The following RNF149 variants were observed in gnomAD, a reference collection of about 807,000 sequenced individuals.
RNF149 encodes ring finger protein 149, also known as E3 ubiquitin-protein ligase RNF149.
In RNF149, 21 loss-of-function variants were observed where a neutral mutation model predicts 39.0. That is an observed-to-expected ratio of 0.54 (90% CI 0.38 to 0.77). RNF149 has a LOEUF of 0.77. Ranked by LOEUF, RNF149 falls within the 30% of genes least tolerant of loss-of-function variation. The pLI is 0.00. For synonymous variants in RNF149, 209 were observed against 213.6 expected (o/e 0.98, Z 0.19); for missense variants, 493 against 534.9 (o/e 0.92, Z 0.77).
At chr2:101,280,723 A>G in intron 6 of RNF149, among the ~76,000 whole-genome samples, 1 of 152,220 alleles carries the variant, frequency 6.6e-6, no homozygotes, top group South Asian at 2.1e-4. Flanking sequence ...AATATGAAAA[A>G]ATTACTATCT....
At chr2:101,288,933 C>A in intron 4 of RNF149, 40 bp downstream of exon 4, 1 of 1,022,090 alleles carries the variant, frequency 9.8e-7, no homozygotes, top group Non-Finnish European at 1.5e-6. Context: ...TAAAACTTGT[C>A]AAGTAATTTT....
At chr2:101,291,747 T>C (rs1683021257) in intron 3 of RNF149, among the ~76,000 whole-genome samples, 1 of 152,236 alleles carries the variant, frequency 6.6e-6, no homozygotes, top group Admixed American at 6.5e-5. Context: ...TGCAAGTTTA[T>C]ACATTACTGT....
intron 1 of RNF149, among the ~76,000 whole-genome samples, chr2:101,306,824 T>C: frequency 6.6e-6 from 1 of 152,204 alleles, no homozygotes; most frequent in East Asian, 1.9e-4. Context: ...TCCAAGGTTA[T>C]TTTTCTGTCC....
intron 1 of RNF149, among the ~76,000 whole-genome samples, chr2:101,301,404 T>A (rs1368049284): frequency 2.6e-5 from 4 of 152,040 alleles, no homozygotes; most frequent in Non-Finnish European, 5.9e-5. Flanking sequence ...TATAGCTCAC[T>A]GCAGCTTTGA....
chr2:101,296,693 T>A (rs1454250119), intron 1 of RNF149, among the ~76,000 whole-genome samples: 1 of 151,924 alleles, frequency 6.6e-6, no homozygotes, highest in Non-Finnish European at 1.5e-5. Flanking sequence ...TTCTCACAAC[T>A]TACGCCAAAA....
Position 101,276,009 on chromosome 2 carries a change from T to C in RNF149, c.*1229A>G, listed in dbSNP as rs1257705738. 4 of 909,686 alleles carry C rather than the reference T, an allele frequency of 4.4e-6. No homozygotes were observed. The Admixed American group carries it at 1.9e-4, about 42-fold the overall frequency. 56.4% of individuals were successfully genotyped at this position (909,686 alleles called of 1,614,324 possible). On this transcript the variant is annotated 3_prime_UTR_variant, in exon 7 of 7. Coordinates refer to ENST00000295317, the MANE Select transcript of RNF149 (RefSeq NM_173647.4). ...ATGATGAGTAGCTAGAATTAAAGCA[T>C]TAAGTAGCTTGAGAAAATAATCTAT...
chr2:101,300,279 T>G (rs376096604), intron 1 of RNF149, among the ~76,000 whole-genome samples: 41 of 152,156 alleles, frequency 2.7e-4, no homozygotes, highest in African/African-American at 8.4e-4. Flanking sequence ...GTGACTAAGA[T>G]ACATGTAAAG....
chr2:101,300,249 T>G (rs1475657558), intron 1 of RNF149, among the ~76,000 whole-genome samples: 1 of 152,152 alleles, frequency 6.6e-6, no homozygotes, highest in Non-Finnish European at 1.5e-5. Flanking sequence ...TTTGGGATGG[T>G]GACCAGCCCA....
At chr2:101,275,436 T>C (rs1264937461), downstream of RNF149, among the ~76,000 whole-genome samples, 27 of 77,758 alleles carry the variant, frequency 3.5e-4, no homozygotes, top group African/African-American at 1.4e-3. Context: ...TATTTCTTTT[T>C]TTTTTTTTTT....
chr2:101,293,982 A>T, intron 3 of RNF149, 32 bp downstream of exon 3: 1 of 1,341,796 alleles, frequency 7.5e-7, no homozygotes, highest in Middle Eastern at 1.9e-4. Context: ...ACTCTAAACC[A>T]CAAAACAAAA....
intron 3 of RNF149, among the ~76,000 whole-genome samples, chr2:101,293,483 A>G (rs1683097553): frequency 6.6e-6 from 1 of 152,242 alleles, no homozygotes; most frequent in Non-Finnish European, 1.5e-5. Context: ...TATTTCAAAA[A>G]TGCTTTAAAA....
rs866849981 is a variant in RNF149, at chr2:101,282,652, G to A, written c.961-595C>T. On this transcript the variant is annotated intron_variant, in intron 5 of 6. Coordinates refer to ENST00000295317, the MANE Select transcript of RNF149 (RefSeq NM_173647.4). ...TCACTGCATTAAGTCTCAACATTTG[G>A]GGGACAGCTAGAAACTTTATTTGAT... Among the ~76,000 whole-genome samples the A allele has an allele frequency of 3.9e-5, 6 of 152,190 alleles. No homozygotes were observed. In the South Asian group the frequency reaches 1.0e-3, roughly 26 times the overall value.
At chr2:101,285,821 C>A (rs926277629) in intron 5 of RNF149, among the ~76,000 whole-genome samples, 21 of 152,146 alleles carry the variant, frequency 1.4e-4, no homozygotes, top group African/African-American at 2.4e-5. Flanking sequence ...GTGCAGCATG[C>A]CAAAACACAT....
chr2:101,289,104 T>G (rs183848641), intron 3 of RNF149, 49 bp from the exon 4 acceptor site: 17 of 1,080,346 alleles, frequency 1.6e-5, no homozygotes, highest in Admixed American at 5.7e-5. Context: ...ACACAGTATA[T>G]CCCTTGGTAA....
chr2:101,298,668 A>C (rs1428347549), intron 1 of RNF149, among the ~76,000 whole-genome samples: 1 of 152,052 alleles, frequency 6.6e-6, no homozygotes, highest in East Asian at 1.9e-4. Context: ...AAAAAACCCC[A>C]AAAAACAAAA....
chr2:101,308,131 G>A lies in RNF149; in HGVS notation c.458C>T (p.Ala153Val). 1.2e-6 allele frequency: 2 copies of A among 1,607,970 alleles called. No homozygotes were observed. Among genetic ancestry groups the A allele is most frequent in the Non-Finnish European group, 8.5e-7 (1 of 1,178,320 alleles). The change falls in exon 1 of 7, where the codon GCG becomes GTG. Residue 153 changes from alanine (A) to valine (V), a missense_variant and splice_region_variant. By Grantham distance (64) the Ala-to-Val change is moderately conservative. Transcript: ENST00000295317. The stretch of plus-strand genomic sequence containing the variant: ...TCCTCGCGCCCCGGCCTGCTCACCC[G>A]CGTGAGACATGGGCAAGGTGATGTT... Reference protein sequence around the residue: ...YGNITLPMSHAGTGNIVVIMI... With the variant: ...YGNITLPMSHVGTGNIVVIMI...
intron 3 of RNF149, among the ~76,000 whole-genome samples, chr2:101,292,602 TAAAAATACA>T (rs1558787123): frequency 1.3e-5 from 2 of 152,206 alleles, no homozygotes; most frequent in Non-Finnish European, 2.9e-5. Context: ...CCGTCTCTAC[TAAAAATACA>T]AAAAATTAGC....
In RNF149 at chr2:101,308,257, G is replaced by A. The variant is rs1396265420; in HGVS notation, c.332C>T (p.Ala111Val). Residue 111 changes from alanine to valine, a missense_variant, in exon 1 of 7, where the codon GCC becomes GTC. Ala to Val is a moderately conservative substitution (Grantham distance 64). Coordinates refer to ENST00000295317, the MANE Select transcript of RNF149 (RefSeq NM_173647.4). ...GGTGCAGCCCCCACGAGCCACCAGG[G>A]CGACCCAGGGCGCGGCCCCTCGGCC... ...PGGRGAAPWV[A>V]LVARGGCTFK... 3 of 1,586,952 alleles carry A rather than the reference G, an allele frequency of 1.9e-6. No individual in the cohort carries two copies. The highest frequency in any genetic ancestry group is 2.6e-6 in the Non-Finnish European group (3 of 1,168,502).
At chr2:101,271,974 A>G (rs999926402), downstream of RNF149, among the ~76,000 whole-genome samples, 65 of 152,300 alleles carry the variant, frequency 4.3e-4, no homozygotes, top group African/African-American at 1.5e-3. Flanking sequence ...TGATGGTCAC[A>G]TGTCTCTTTT....
Sources: gnomAD v4.1 joint callset for allele counts (sites outside exome capture counted in the v4.1 genomes callset) on GRCh38, gnomAD v4.1.1 for gene constraint, MANE v1.5 for transcripts, NCBI Gene and HGNC (gene_info 2026-07-23, HGNC 2026-07-21) for gene names.